BAIAP2: variants seen among roughly 807,000 people sequenced by gnomAD.
The protein encoded by BAIAP2 is BAR/IMD domain-containing adapter protein 2.
A neutral mutation model predicts 63.0 loss-of-function variants in BAIAP2; 18 were observed. The observed-to-expected ratio is 0.29, with a 90% confidence interval of 0.20 to 0.42. The LOEUF is 0.42. Among genes scored for constraint, BAIAP2 ranks in the 10% least tolerant of loss-of-function variants. The probability of loss-of-function intolerance (pLI) is 1.00; values close to 1 mark genes in which losing one functional copy is unlikely to be tolerated. For missense variants in BAIAP2, 610 were observed against 734.3 expected (o/e 0.83, Z 1.96); for synonymous variants, 386 against 307.6 (o/e 1.25, Z -2.67).
chr17:81,084,679 C>T (rs113008360), intron 3 of BAIAP2, among the ~76,000 whole-genome samples, 153 bp from the exon 4 acceptor site: 1 of 152,162 alleles, frequency 6.6e-6, no homozygotes, highest in Non-Finnish European at 1.5e-5. Flanking sequence ...TTGGTGTCCC[C>T]TCTCCGCCCT....
At chr17:81,067,578 T>TC (rs71166123) in intron 3 of BAIAP2, among the ~76,000 whole-genome samples, 59,635 of 152,078 alleles carry the variant, frequency 0.39, 12,275 homozygotes, top group Non-Finnish European at 0.46. Context: ...GTCTGGCTGC[T>TC]CGTGGTTTGA....
At chr17:81,100,463 G>C (rs2058336508) in intron 7 of BAIAP2, among the ~76,000 whole-genome samples, 1 of 152,174 alleles carries the variant, frequency 6.6e-6, no homozygotes. Context: ...CACCTGGTGG[G>C]TGGCCTCTGT....
chr17:81,104,758 C>CAGA, intron 10 of BAIAP2, 43 bp downstream of exon 10: 1 of 1,518,992 alleles, frequency 6.6e-7, no homozygotes. Context: ...CCGCTGCCTT[C>CAGA]AGCAAGTGTG....
intron 6 of BAIAP2, chr17:81,087,673 A>G (rs1218514480): frequency 6.6e-6 from 1 of 152,254 alleles, no homozygotes; most frequent in Admixed American, 6.5e-5. Flanking sequence ...AAACAGCCAT[A>G]CGGGGGAGCT....
rs745612314 is a variant in BAIAP2 at position 81,035,237 on chromosome 17, C to T, written c.-18C>T. ...GCGTCCCCCGCTCCGGTCTGTGGTG[C>T]AGCCGGGACCCAGGACCATGTCTCT... is the stretch of plus-strand genomic sequence containing the variant. On this transcript the variant is annotated 5_prime_UTR_variant, in exon 1 of 14. Transcript: ENST00000428708. The T allele has an allele frequency of 1.3e-6, 2 of 1,501,384 alleles. No individual in the cohort carries two copies. Among genetic ancestry groups the T allele is most frequent in the South Asian group, 1.3e-5 (1 of 78,776 alleles). 93.0% of individuals were successfully genotyped at this position (1,501,384 alleles called of 1,614,324 possible).
At chr17:81,051,302 C>T (rs2048647119) in intron 1 of BAIAP2, among the ~76,000 whole-genome samples, 1 of 152,246 alleles carries the variant, frequency 6.6e-6, no homozygotes, top group Admixed American at 6.5e-5. Context: ...ATCCCAGAGC[C>T]TCTGATGGGT....
At chr17:81,108,571 C>T in intron 13 of BAIAP2, 62 bp downstream of exon 13, 1 of 1,600,306 alleles carries the variant, frequency 6.2e-7, no homozygotes, top group South Asian at 1.1e-5. Flanking sequence ...CCGGGTGGGG[C>T]AGGTCCCTCT....
At chr17:81,084,593 C>T (rs539452275) in intron 3 of BAIAP2, among the ~76,000 whole-genome samples, 1 of 152,308 alleles carries the variant, frequency 6.6e-6, no homozygotes, top group East Asian at 1.9e-4. Flanking sequence ...GACTCAAGTT[C>T]CCTCCCAAAG....
intron 6 of BAIAP2, among the ~76,000 whole-genome samples, chr17:81,099,635 C>T (rs1181847108): frequency 6.6e-6 from 1 of 152,114 alleles, no homozygotes; most frequent in Non-Finnish European, 1.5e-5. Flanking sequence ...ATGAGGCTGG[C>T]CCCCTGCCAG....
chr17:81,097,805 G>T, intron 6 of BAIAP2: 1 of 278,000 alleles, frequency 3.6e-6, no homozygotes, highest in Non-Finnish European at 6.7e-6. Context: ...CGGCCTCCCA[G>T]GAGGGGCCTG....
intron 12 of BAIAP2, 163 bp downstream of exon 12, chr17:81,107,070 C>T (rs575792685): frequency 2.3e-6 from 2 of 866,876 alleles, no homozygotes; most frequent in African/African-American, 3.5e-5. Context: ...GTGTACACAC[C>T]CCTGCTTCGG....
At chr17:81,049,237 G>C (rs1450415480) in intron 1 of BAIAP2, among the ~76,000 whole-genome samples, 1 of 152,156 alleles carries the variant, frequency 6.6e-6, no homozygotes, top group Admixed American at 6.5e-5. Context: ...GGGGGGCATG[G>C]GGTCACAGAA....
At chr17:81,107,462 C>T (rs573891536) in intron 12 of BAIAP2, 1 of 152,932 alleles carries the variant, frequency 6.5e-6, no homozygotes, top group South Asian at 2.1e-4. Flanking sequence ...GGTGTGGGTT[C>T]TCGGAAACCC....
intron 1 of BAIAP2, chr17:81,053,428 G>A (rs1460613535): frequency 2.2e-5 from 12 of 550,458 alleles, no homozygotes; most frequent in East Asian, 3.1e-5. Context: ...CTCTGCGGCC[G>A]GGTTTCTTCT....
At chr17:81,074,110 AGAG>A (rs2144898087) in intron 3 of BAIAP2, among the ~76,000 whole-genome samples, 1 of 152,306 alleles carries the variant, frequency 6.6e-6, no homozygotes, top group Non-Finnish European at 1.5e-5. Context: ...GCTGTTGATG[AGAG>A]GAGGATGCGT....
In BAIAP2 at chr17:81,048,356, CAAAAAAAAA is replaced by C. The variant is rs5822388; in HGVS notation, c.55-5296_55-5288del. On this transcript the variant is annotated intron_variant, in intron 1 of 13. Coordinates refer to ENST00000428708, the MANE Select transcript of BAIAP2 (RefSeq NM_001144888.2). ...TGGGCGACAGAGCAAGACTCTGTCT[CAAAAAAAAA>C]AAAAAAAAAAAAAAAGAATTCCTGA... is the stretch of plus-strand genomic sequence containing the variant. 6.4e-4 allele frequency among the ~76,000 whole-genome samples: 58 copies of C among 90,224 alleles called. 1 individual carries two copies. Among genetic ancestry groups the C allele is most frequent in the African/African-American group, 2.3e-3 (52 of 22,930 alleles). 59.2% of individuals were successfully genotyped at this position (90,224 alleles called of 152,430 possible). A position where few individuals can be genotyped will look rare whatever the true frequency, so the allele number is the denominator to read the frequency against.
chr17:81,036,670 G>A (rs1336999403), intron 1 of BAIAP2, among the ~76,000 whole-genome samples: 2 of 152,250 alleles, frequency 1.3e-5, no homozygotes, highest in Non-Finnish European at 1.5e-5. Flanking sequence ...GAGCCACTGG[G>A]AAACAGGATT....
chr17:81,036,327 C>T (rs2046261966), intron 1 of BAIAP2, among the ~76,000 whole-genome samples: 1 of 152,222 alleles, frequency 6.6e-6, no homozygotes, highest in African/African-American at 2.4e-5. Flanking sequence ...CAGTGACAGG[C>T]TGGGCGATGA....
chr17:81,104,957 G>A (rs908591856), intron 10 of BAIAP2: 1 of 504,252 alleles, frequency 2.0e-6, no homozygotes, highest in Non-Finnish European at 3.6e-6. Context: ...TTCCCCTACA[G>A]GAGGGATCTC....
Sources: allele counts gnomAD v4.1 joint callset (sites outside exome capture counted in the v4.1 genomes callset), GRCh38; gene constraint gnomAD v4.1.1; transcripts MANE v1.5; gene names NCBI Gene and HGNC (gene_info 2026-07-23, HGNC 2026-07-21).